TGFBR3: variants seen among roughly 807,000 people sequenced by gnomAD.
TGFBR3 encodes the protein transforming growth factor beta receptor 3, also known as transforming growth factor beta receptor type 3.
TGFBR3 carries 46 observed loss-of-function variants against 87.9 expected under a neutral mutation model. The observed-to-expected ratio is 0.52, with a 90% confidence interval of 0.41 to 0.67. TGFBR3 has a LOEUF of 0.67. TGFBR3 is among the 30% of genes least tolerant of loss of function. The pLI, the probability that TGFBR3 is intolerant of heterozygous loss-of-function variation, is 0.00. For synonymous variants in TGFBR3, 381 were observed against 391.6 expected (o/e 0.97, Z 0.32); for missense variants, 866 against 1,041.9 (o/e 0.83, Z 2.32).
At chr1:91,760,885 G>A (rs537399981) in intron 3 of TGFBR3, among the ~76,000 whole-genome samples, 3 of 152,220 alleles carry the variant, frequency 2.0e-5, no homozygotes, top group Non-Finnish European at 4.4e-5. Context: ...TGAACAAAGA[G>A]ACACACACAC....
At chr1:91,725,221 C>T (rs533575039) in intron 7 of TGFBR3, among the ~76,000 whole-genome samples, 132 of 152,204 alleles carry the variant, frequency 8.7e-4, no homozygotes, top group African/African-American at 3.1e-3. Flanking sequence ...ACACATTCTG[C>T]CCATGCCCCA....
chr1:91,710,121 A>C (rs1671929300), intron 13 of TGFBR3, among the ~76,000 whole-genome samples: 1 of 152,198 alleles, frequency 6.6e-6, no homozygotes, highest in South Asian at 2.1e-4. Flanking sequence ...CATCATTTTA[A>C]GTCTATAGCA....
chr1:91,840,815 C>CT (rs35003643), intron 2 of TGFBR3, among the ~76,000 whole-genome samples: 66 of 147,074 alleles, frequency 4.5e-4, no homozygotes, highest in Admixed American at 1.0e-3. Flanking sequence ...TGTTCATTTT[C>CT]TTTTTTTTTT....
At position 91,746,948 on chromosome 1, in the gene TGFBR3, G is replaced by A. The variant is rs373406205; in HGVS notation, c.384+11665C>T. Among the ~76,000 whole-genome samples the A allele has an allele frequency of 2.2e-3, 342 of 152,222 alleles. 2 individuals carry two copies. Among genetic ancestry groups the A allele is most frequent in the African/African-American group, 7.6e-3 (316 of 41,528 alleles). ...GAAATCAGTAGTGTAGGGTAGACAC[G>A]CACATCCCTCAGCCTCATGTTAATA... On this transcript the variant is annotated intron_variant, in intron 4 of 16. Coordinates refer to ENST00000212355, the MANE Select transcript of TGFBR3 (RefSeq NM_003243.5).
In TGFBR3 at chr1:91,839,454, A is replaced by G. The variant is rs142334253; in HGVS notation, c.61+22017T>C. On this transcript the variant is annotated intron_variant, in intron 2 of 16. Coordinates refer to ENST00000212355, the MANE Select transcript of TGFBR3 (RefSeq NM_003243.5). ...TTTCCCCAAAATACTGCGTAATTTC[A>G]AAGTGAAAAATAGTACCTTTACACC... Among the ~76,000 whole-genome samples the G allele has an allele frequency of 1.9e-3, 283 of 152,338 alleles. 7 individuals carry two copies. In the East Asian group the frequency reaches 0.042, roughly 22 times the overall value.
chr1:91,741,810 C>A (rs964949032), intron 4 of TGFBR3, among the ~76,000 whole-genome samples: 4 of 152,184 alleles, frequency 2.6e-5, no homozygotes, highest in Admixed American at 6.5e-5. Context: ...TAATCTCAAC[C>A]AAACTGTTGC....
chr1:91,877,325 T>C (rs1005387731), intron 1 of TGFBR3, among the ~76,000 whole-genome samples: 2 of 152,246 alleles, frequency 1.3e-5, no homozygotes, highest in East Asian at 1.9e-4. Context: ...ATTTTCTTTT[T>C]TTGTGTGTGT....
chr1:91,739,985 T>C (rs959413079), intron 4 of TGFBR3, among the ~76,000 whole-genome samples: 1 of 152,156 alleles, frequency 6.6e-6, no homozygotes, highest in Non-Finnish European at 1.5e-5. Context: ...AGAGGAAATC[T>C]TCCCATCCCC....
At chr1:91,842,466 A>G (rs903937966) in intron 2 of TGFBR3, among the ~76,000 whole-genome samples, 2 of 152,168 alleles carry the variant, frequency 1.3e-5, no homozygotes, top group Non-Finnish European at 2.9e-5. Context: ...GTTCTTGAGC[A>G]TTCATCTTTA....
At chr1:91,775,833 C>T (rs992409348) in intron 3 of TGFBR3, among the ~76,000 whole-genome samples, 7 of 152,232 alleles carry the variant, frequency 4.6e-5, no homozygotes, top group African/African-American at 1.7e-4. Context: ...GTGAATGATA[C>T]ATTGTTGTAC....
intron 2 of TGFBR3, among the ~76,000 whole-genome samples, chr1:91,897,305 C>T (rs1679573777): frequency 6.6e-6 from 1 of 151,982 alleles, no homozygotes; most frequent in Non-Finnish European, 1.5e-5. Flanking sequence ...TGGGAGATGC[C>T]GACTTGACGT....
intron 7 of TGFBR3, among the ~76,000 whole-genome samples, chr1:91,725,734 C>T (rs1429669057): frequency 6.6e-6 from 1 of 152,208 alleles, no homozygotes; most frequent in Non-Finnish European, 1.5e-5. Flanking sequence ...TCAGACTGCA[C>T]AACATCTACT....
Position 91,820,500 on chromosome 1 carries a change from G to A in TGFBR3, c.62-23029C>T, listed in dbSNP as rs925771259. 3.5e-4 allele frequency among the ~76,000 whole-genome samples: 54 copies of A among 152,222 alleles called. 1 individual carries two copies. Among genetic ancestry groups the A allele is most frequent in the Non-Finnish European group, 8.8e-5 (6 of 68,004 alleles). The stretch of plus-strand genomic sequence containing the variant: ...AGATCGAGACCATCCTGGCTAACAC[G>A]TTGAAACCCCGTCTGTACTAAAAAA... On this transcript the variant is annotated intron_variant, in intron 2 of 16. Coordinates refer to ENST00000212355, the MANE Select transcript of TGFBR3 (RefSeq NM_003243.5).
intron 2 of TGFBR3, among the ~76,000 whole-genome samples, chr1:91,803,293 G>C (rs1220435335): frequency 6.6e-6 from 1 of 152,202 alleles, no homozygotes; most frequent in African/African-American, 2.4e-5. Flanking sequence ...TGGACACACA[G>C]CCACCCAGAA....
At chr1:91,886,311 G>A (rs1039737332), upstream of TGFBR3, 2 of 387,336 alleles carry the variant, frequency 5.2e-6, no homozygotes, top group African/African-American at 2.1e-5. Context: ...CCCGCCTCCC[G>A]CCTCCCGCCT....
At chr1:91,899,319 A>G (rs973967980) in intron 2 of TGFBR3, among the ~76,000 whole-genome samples, 6 of 152,158 alleles carry the variant, frequency 3.9e-5, no homozygotes, top group African/African-American at 1.4e-4. Flanking sequence ...GGAATTCAGC[A>G]ACATAGTGAG....
intron 3 of TGFBR3, chr1:91,786,042 G>C (rs1031682292): frequency 2.7e-6 from 1 of 366,690 alleles, no homozygotes. Context: ...GAGATTACAG[G>C]CGTGAGCCAC....
At chr1:91,764,269 G>A (rs1674080956) in intron 3 of TGFBR3, among the ~76,000 whole-genome samples, 1 of 118,514 alleles carries the variant, frequency 8.4e-6, no homozygotes, top group African/African-American at 3.4e-5. Context: ...CATGATTCAG[G>A]ATTCCCTGAG....
At chr1:91,832,349 TACAGGA>T (rs1676881464) in intron 2 of TGFBR3, among the ~76,000 whole-genome samples, 3 of 124,692 alleles carry the variant, frequency 2.4e-5, no homozygotes, top group Non-Finnish European at 4.9e-5. Flanking sequence ...TTTGAATTTG[TACAGGA>T]ATTTTAAATT....
Sources: gnomAD v4.1 joint callset for allele counts (sites outside exome capture counted in the v4.1 genomes callset) on GRCh38, gnomAD v4.1.1 for gene constraint, MANE v1.5 for transcripts, NCBI Gene and HGNC (gene_info 2026-07-23, HGNC 2026-07-21) for gene names.